The following GABBR2 variants were observed in gnomAD, a reference collection of about 807,000 sequenced individuals.
GABBR2 encodes gamma-aminobutyric acid type B receptor subunit 2.
GABBR2 carries 23 observed loss-of-function variants against 105.6 expected under a neutral mutation model. That is an observed-to-expected ratio of 0.22 (90% CI 0.16 to 0.31). GABBR2 has a LOEUF of 0.31. Ranked by LOEUF, GABBR2 falls within the 10% of genes least tolerant of loss-of-function variation. The pLI is 1.00. For missense variants in GABBR2, 734 were observed against 1,245.5 expected (o/e 0.59, Z 6.18); for synonymous variants, 478 against 499.7 (o/e 0.96, Z 0.58).
intron 6 of GABBR2, among the ~76,000 whole-genome samples, chr9:98,465,998 G>A (rs1041473409): frequency 2.0e-5 from 3 of 152,148 alleles, no homozygotes; most frequent in African/African-American, 7.2e-5. Flanking sequence ...GTTCTCACAA[G>A]ATCGGGTTGT....
At chr9:98,427,482 T>C (rs943504546) in intron 7 of GABBR2, among the ~76,000 whole-genome samples, 1 of 152,188 alleles carries the variant, frequency 6.6e-6, no homozygotes, top group Non-Finnish European at 1.5e-5. Context: ...TGGATGGTTT[T>C]AATTGAGAGA....
At chr9:98,501,194 TC>T (rs901184811) in intron 3 of GABBR2, among the ~76,000 whole-genome samples, 2 of 135,020 alleles carry the variant, frequency 1.5e-5, no homozygotes, top group Non-Finnish European at 3.1e-5. Context: ...AGACAAAGTC[TC>T]ACTCTTTCAC....
intron 1 of GABBR2, among the ~76,000 whole-genome samples, chr9:98,599,950 G>C (rs912385233): frequency 7.2e-5 from 11 of 152,178 alleles, no homozygotes; most frequent in African/African-American, 2.7e-4. Context: ...AGTATTAATA[G>C]AAACTGCCTG....
chr9:98,637,211 C>T (rs185826715), intron 1 of GABBR2, among the ~76,000 whole-genome samples: 3 of 152,218 alleles, frequency 2.0e-5, no homozygotes, highest in East Asian at 1.9e-4. Flanking sequence ...CTGCCTGGTA[C>T]GAAAGTCTAC....
chr9:98,550,881 G>A (rs550331422), intron 2 of GABBR2, among the ~76,000 whole-genome samples: 4 of 151,994 alleles, frequency 2.6e-5, no homozygotes, highest in African/African-American at 4.8e-5. Context: ...CTGTTCACAC[G>A]GGGGATCCTT....
At chr9:98,398,177 G>C (rs1000575127) in intron 8 of GABBR2, among the ~76,000 whole-genome samples, 1 of 152,114 alleles carries the variant, frequency 6.6e-6, no homozygotes, top group Non-Finnish European at 1.5e-5. Flanking sequence ...GCTCCAAATT[G>C]GGGGAGCCAG....
At chr9:98,674,541 G>A (rs1468672896) in intron 1 of GABBR2, among the ~76,000 whole-genome samples, 1 of 152,140 alleles carries the variant, frequency 6.6e-6, no homozygotes, top group Admixed American at 6.5e-5. Context: ...TTGTGTTCCA[G>A]GCACTGCAGG....
At chr9:98,479,940 T>C (rs775003485) in intron 5 of GABBR2, among the ~76,000 whole-genome samples, 5 of 152,216 alleles carry the variant, frequency 3.3e-5, no homozygotes, top group Non-Finnish European at 7.3e-5. Flanking sequence ...TAATATAATA[T>C]GTTAGGACCA....
At chr9:98,369,624 G>T (rs767039973) in intron 12 of GABBR2, among the ~76,000 whole-genome samples, 12 of 152,166 alleles carry the variant, frequency 7.9e-5, no homozygotes, top group Non-Finnish European at 4.4e-5. Flanking sequence ...CTCACTGCTC[G>T]GGCTGGGTTG....
At chr9:98,607,765 G>C in intron 1 of GABBR2, 1 of 779,754 alleles carries the variant, frequency 1.3e-6, no homozygotes, top group Admixed American at 1.8e-5. Context: ...CAGAAAACTG[G>C]CAGCTGTGAC....
At chr9:98,347,152 C>T (rs1564026134) in intron 13 of GABBR2, among the ~76,000 whole-genome samples, 2 of 152,198 alleles carry the variant, frequency 1.3e-5, no homozygotes, top group South Asian at 2.1e-4. Flanking sequence ...GAGAAACCCC[C>T]ACATTATTTT....
intron 4 of GABBR2, among the ~76,000 whole-genome samples, chr9:98,484,895 G>C (rs1048683772): frequency 6.6e-6 from 1 of 152,204 alleles, no homozygotes; most frequent in Non-Finnish European, 1.5e-5. Context: ...TTTGGGAATA[G>C]CAGTAGCCCC....
At chr9:98,530,305 C>G (rs1475383614) in intron 3 of GABBR2, among the ~76,000 whole-genome samples, 1 of 152,206 alleles carries the variant, frequency 6.6e-6, no homozygotes, top group Non-Finnish European at 1.5e-5. Flanking sequence ...CCTGTATATT[C>G]ACCTCCCTGC....
At chr9:98,447,101 G>A (rs1032595672) in intron 7 of GABBR2, among the ~76,000 whole-genome samples, 2 of 129,404 alleles carry the variant, frequency 1.5e-5, no homozygotes, top group South Asian at 2.7e-4. Flanking sequence ...TCGCTCTGTC[G>A]CCCAGGCTGG....
rs1826722249 is a variant in GABBR2 at position 98,473,300 on chromosome 9, G to A, written c.845C>T (p.Pro282Leu). The A allele has an allele frequency of 6.2e-7, 1 of 1,613,238 alleles. No individual in the cohort carries two copies. Among genetic ancestry groups the A allele is most frequent in the Non-Finnish European group, 8.5e-7 (1 of 1,179,644 alleles). Residue 282 changes from proline (P) to leucine (L), a missense_variant, in exon 6 of 19, where the codon CCG becomes CTG. Coordinates refer to ENST00000259455, the MANE Select transcript of GABBR2 (RefSeq NM_005458.8). ...CCACCAAGAAGGCTCGTACCAGCCC[G>A]GAATGATCCACTGATATTTACTACC... ...MYGSKYQWII[P>L]GWYEPSWWEQ...
chr9:98,618,514 C>CTCTCTT (rs1416725995), intron 1 of GABBR2, among the ~76,000 whole-genome samples: 4 of 144,380 alleles, frequency 2.8e-5, no homozygotes, highest in African/African-American at 9.9e-5. Flanking sequence ...CTCTCTCTCT[C>CTCTCTT]TCTCTCTGTC....
chr9:98,421,580 GA>G (rs1588151836), intron 7 of GABBR2, among the ~76,000 whole-genome samples: 1 of 152,030 alleles, frequency 6.6e-6, no homozygotes, highest in Non-Finnish European at 1.5e-5. Context: ...TTGGCTTAGA[GA>G]AAAAAATATT....
At chr9:98,529,260 G>T (rs1330700571) in intron 3 of GABBR2, among the ~76,000 whole-genome samples, 2 of 152,218 alleles carry the variant, frequency 1.3e-5, no homozygotes, top group African/African-American at 4.8e-5. Context: ...GGAACAGACT[G>T]TAGGATAAAT....
chr9:98,346,895 G>T (rs1831312438), intron 13 of GABBR2, among the ~76,000 whole-genome samples: 1 of 151,900 alleles, frequency 6.6e-6, no homozygotes, highest in Non-Finnish European at 1.5e-5. Flanking sequence ...TCATGTTGTT[G>T]TGAATGACAG....
Sources: gnomAD v4.1 joint callset for allele counts (sites outside exome capture counted in the v4.1 genomes callset) on GRCh38, gnomAD v4.1.1 for gene constraint, MANE v1.5 for transcripts, NCBI Gene and HGNC (gene_info 2026-07-23, HGNC 2026-07-21) for gene names.